CDKAL1: variants seen among roughly 807,000 people sequenced by gnomAD.
CDKAL1 encodes the protein CDKAL1 threonylcarbamoyladenosine tRNA methylthiotransferase.
In CDKAL1, 32 loss-of-function variants were observed where a neutral mutation model predicts 68.2. The observed-to-expected ratio is 0.47, with a 90% confidence interval of 0.35 to 0.63. The LOEUF (loss-of-function observed/expected upper bound fraction) is 0.63, where lower values mean the gene tolerates loss of function less well. Among genes scored for constraint, CDKAL1 ranks in the 30% least tolerant of loss-of-function variants. CDKAL1 has a pLI of 0.00. For synonymous variants in CDKAL1, 234 were observed against 244.3 expected (o/e 0.96, Z 0.39); for missense variants, 606 against 696.7 (o/e 0.87, Z 1.47).
chr6:20,907,080 A>G (rs1346713468), intron 9 of CDKAL1, among the ~76,000 whole-genome samples: 1 of 152,230 alleles, frequency 6.6e-6, no homozygotes, highest in Non-Finnish European at 1.5e-5. Context: ...GAGTAGACGG[A>G]ATTGGGGAGT....
At chr6:20,868,790 G>A (rs933141562) in intron 9 of CDKAL1, among the ~76,000 whole-genome samples, 1 of 152,164 alleles carries the variant, frequency 6.6e-6, no homozygotes, top group African/African-American at 2.4e-5. Flanking sequence ...TATCAGCATG[G>A]GCCGTGTGTT....
At chr6:20,934,013 T>A (rs1294564853) in intron 9 of CDKAL1, among the ~76,000 whole-genome samples, 1 of 152,118 alleles carries the variant, frequency 6.6e-6, no homozygotes, top group Non-Finnish European at 1.5e-5. Context: ...CTGTGGTCCT[T>A]ATCACAGTAG....
At chr6:21,222,855 C>A (rs771328960) in intron 15 of CDKAL1, among the ~76,000 whole-genome samples, 1 of 152,096 alleles carries the variant, frequency 6.6e-6, no homozygotes, top group African/African-American at 2.4e-5. Flanking sequence ...ACAGGGATAT[C>A]TTTTATTTGA....
intron 5 of CDKAL1, among the ~76,000 whole-genome samples, chr6:20,661,692 C>A (rs1299740624): frequency 2.0e-5 from 3 of 151,948 alleles, no homozygotes; most frequent in Non-Finnish European, 2.9e-5. Context: ...AGGTGGTAGG[C>A]CATTTTAAAA....
chr6:20,557,926 G>A (rs1233925660), intron 4 of CDKAL1, among the ~76,000 whole-genome samples: 1 of 151,012 alleles, frequency 6.6e-6, no homozygotes, highest in Admixed American at 6.6e-5. Context: ...GTGAGACTCC[G>A]TCTTAAACAA....
intron 11 of CDKAL1, among the ~76,000 whole-genome samples, chr6:21,006,725 G>A (rs542296420): frequency 9.2e-5 from 14 of 152,250 alleles, no homozygotes; most frequent in East Asian, 1.9e-4. Flanking sequence ...GCTAAATACC[G>A]TAGGATTCTG....
intron 12 of CDKAL1, among the ~76,000 whole-genome samples, chr6:21,091,527 A>G (rs748452150): frequency 3.3e-5 from 5 of 152,212 alleles, no homozygotes; most frequent in Non-Finnish European, 4.4e-5. Context: ...TCCCCAGCTC[A>G]GGCGTACAGC....
intron 8 of CDKAL1, among the ~76,000 whole-genome samples, chr6:20,784,724 C>A (rs905942664): frequency 4.6e-5 from 7 of 151,896 alleles, no homozygotes. Flanking sequence ...CACCTGGCCC[C>A]AGATATTTTC....
At chr6:20,640,879 A>G (rs1431242188) in intron 4 of CDKAL1, among the ~76,000 whole-genome samples, 2 of 152,218 alleles carry the variant, frequency 1.3e-5, no homozygotes, top group African/African-American at 2.4e-5. Flanking sequence ...ATGAAGGTCA[A>G]CGTGGGAGGA....
At chr6:20,555,078 G>C (rs181807321) in intron 4 of CDKAL1, among the ~76,000 whole-genome samples, 73 of 152,190 alleles carry the variant, frequency 4.8e-4, no homozygotes, top group African/African-American at 1.7e-3. Context: ...TTATTCATTT[G>C]GCAAACATTC....
In CDKAL1 at chr6:20,545,479, C is replaced by T. The variant is rs185749710; in HGVS notation, c.-5-867C>T. ...TGAGATGGAGTTTTGCTCTGTTGCC[C>T]AGGCTGGAGTGCAGTGGTGCACTCT... On this transcript the variant is annotated intron_variant, in intron 2 of 15. Coordinates refer to ENST00000274695, the MANE Select transcript of CDKAL1 (RefSeq NM_017774.3). 3.3e-5 allele frequency among the ~76,000 whole-genome samples: 5 copies of T among 152,088 alleles called. No homozygotes were observed. In the East Asian group the frequency reaches 9.6e-4, roughly 29 times the overall value.
chr6:20,612,990 T>TACACACAC lies in CDKAL1; in HGVS notation c.287-36255_287-36248dup, dbSNP rs55999857. ...TGAAGAAACTCATTGTTGCAATTTC[T>TACACACAC]ACACACACACACACACACACACACA... On this transcript the variant is annotated intron_variant, in intron 4 of 15. Coordinates refer to ENST00000274695, the MANE Select transcript of CDKAL1 (RefSeq NM_017774.3). Among the ~76,000 whole-genome samples, 835 of 129,998 alleles carry TACACACAC rather than the reference T, an allele frequency of 6.4e-3. 4 individuals are homozygous for TACACACAC. Among genetic ancestry groups the TACACACAC allele is most frequent in the East Asian group, 0.021 (95 of 4,488 alleles). The allele number at this position is 129,998 out of a possible 152,430, so 85.3% of individuals were successfully genotyped here. A position where few individuals can be genotyped will look rare whatever the true frequency, so the allele number is the denominator to read the frequency against.
At position 20,908,520 on chromosome 6, in the gene CDKAL1, G is replaced by A. The variant is rs756640034; in HGVS notation, c.743-46899G>A. 1.9e-4 allele frequency among the ~76,000 whole-genome samples: 29 copies of A among 152,214 alleles called. 1 individual carries two copies. The highest frequency in any genetic ancestry group is 2.0e-4 in the Admixed American group (3 of 15,298). On this transcript the variant is annotated intron_variant, in intron 9 of 15. Coordinates refer to ENST00000274695, the MANE Select transcript of CDKAL1 (RefSeq NM_017774.3). ...GACATCACTTGATCTAGTTTTAAAA[G>A]CAGTTGTGTCATAAACCAACTATGT...
At chr6:20,699,095 G>C (rs1315077257) in intron 5 of CDKAL1, among the ~76,000 whole-genome samples, 1 of 151,866 alleles carries the variant, frequency 6.6e-6, no homozygotes, top group Non-Finnish European at 1.5e-5. Context: ...TTCTTGACCT[G>C]TGTTCTTTTG....
rs57265201 is a variant in CDKAL1 at position 21,169,921 on chromosome 6, AC to A, written c.1300-28092del. On this transcript the variant is annotated intron_variant, in intron 13 of 15. Transcript: ENST00000274695. ...CTCTCACCAGAACAGTACGGGAAAGACCCCCCCCACCCCATGATTCAGTTAC... is the reference window on the plus strand; with the variant it reads ...CTCTCACCAGAACAGTACGGGAAAGACCCCCCCACCCCATGATTCAGTTAC... Among the ~76,000 whole-genome samples, 3 of 127,876 alleles carry A rather than the reference AC, an allele frequency of 2.3e-5. No homozygotes were observed. The South Asian group carries it at 7.6e-4, about 33-fold the overall frequency. The allele number at this position is 127,876 out of a possible 152,430, so 83.9% of individuals were successfully genotyped here. A position where few individuals can be genotyped will look rare whatever the true frequency, so the allele number is the denominator to read the frequency against.
intron 13 of CDKAL1, among the ~76,000 whole-genome samples, chr6:21,115,065 T>G (rs1478462420): frequency 4.6e-5 from 7 of 152,200 alleles, no homozygotes; most frequent in Non-Finnish European, 7.3e-5. Context: ...CACCATTCCT[T>G]CTTTCCTCAA....
intron 4 of CDKAL1, among the ~76,000 whole-genome samples, chr6:20,583,783 C>CA (rs1561942350): frequency 8.4e-6 from 1 of 119,450 alleles, no homozygotes. Context: ...TTAGTAAAAG[C>CA]GCCCCCCCCC....
intron 10 of CDKAL1, among the ~76,000 whole-genome samples, chr6:20,961,896 C>T (rs1287836184): frequency 6.6e-6 from 1 of 151,992 alleles, no homozygotes. Context: ...TGCACATGTA[C>T]CCCTGAGCCT....
chr6:21,212,762 C>T (rs1235655989), intron 15 of CDKAL1, among the ~76,000 whole-genome samples: 1 of 152,082 alleles, frequency 6.6e-6, no homozygotes, highest in South Asian at 2.1e-4. Flanking sequence ...TATATGCATG[C>T]AAGCAGTGTT....
Sources: allele counts gnomAD v4.1 joint callset (sites outside exome capture counted in the v4.1 genomes callset), GRCh38; gene constraint gnomAD v4.1.1; transcripts MANE v1.5; gene names NCBI Gene and HGNC (gene_info 2026-07-23, HGNC 2026-07-21).